The following ELAVL3 variants were observed in gnomAD, a reference collection of about 807,000 sequenced individuals.
ELAVL3 encodes the protein ELAV-like protein 3.
A neutral mutation model predicts 34.2 loss-of-function variants in ELAVL3; 8 were observed. That is an observed-to-expected ratio of 0.23 (90% CI 0.14 to 0.42). The LOEUF is 0.42. Ranked by LOEUF, ELAVL3 falls within the 10% of genes least tolerant of loss-of-function variation. The pLI, the probability that ELAVL3 is intolerant of heterozygous loss-of-function variation, is 1.00. For missense variants in ELAVL3, 273 were observed against 518.8 expected, an observed-to-expected ratio of 0.53 and a Z score of 4.60; for synonymous variants, 209 against 222.1, an observed-to-expected ratio of 0.94 and a Z score of 0.53.
chr19:11,480,400 T>A lies in ELAVL3; in HGVS notation c.9+200A>T, dbSNP rs960346285. The A allele has an allele frequency of 2.0e-5, 11 of 540,916 alleles. 1 individual carries two copies. The highest frequency in any genetic ancestry group is 4.4e-5 in the Admixed American group (1 of 22,828). The allele number at this position is 540,916 out of a possible 1,614,324, so 33.5% of individuals were successfully genotyped here. On this transcript the variant is annotated intron_variant, in intron 1 of 6. Transcript: ENST00000359227. This position sits in a 1 kb window ranked among gnomAD's most constrained non-coding sequence, Gnocchi z 6.8. ...CGCAGTCAGTCTCCCTAAGGCCCTC[T>A]CAGACCAAGCTCTAAGCGCCCTCAG...
rs1330612905 is a variant in ELAVL3 at position 11,466,858 on chromosome 19, C to T, written c.10-31G>A. ...GATAACAGGTCGCATCCGCTCACCG[C>T]CCAGTCCCCACACCAGGGGCCTGCG... On this transcript the variant is annotated intron_variant, in intron 1 of 6. Transcript: ENST00000359227. The surrounding 1 kb of genome is among the most constrained non-coding windows in gnomAD (Gnocchi z 5.0). The T allele has an allele frequency of 6.5e-7, 1 of 1,549,880 alleles. No individual in the cohort carries two copies. Among genetic ancestry groups the T allele is most frequent in the Non-Finnish European group, 8.8e-7 (1 of 1,142,100 alleles).
rs540019022 is a variant in ELAVL3 at position 11,468,034 on chromosome 19, C to T, written c.10-1207G>A. The stretch of plus-strand genomic sequence containing the variant: ...CAAACTCTTGGGCTCTGGTGATCCT[C>T]CCACTTTGGCCTCCCAAAGTGCTGG... On this transcript the variant is annotated intron_variant, in intron 1 of 6. Transcript: ENST00000359227. Among the ~76,000 whole-genome samples the T allele has an allele frequency of 5.3e-4, 80 of 152,332 alleles. 1 individual carries two copies. Among genetic ancestry groups the T allele is most frequent in the Admixed American group, 8.5e-4 (13 of 15,290 alleles).
rs768237882 is a variant in ELAVL3 at position 11,466,796 on chromosome 19, C to G, written c.41G>C (p.Gly14Ala). 8.6e-5 allele frequency: 139 copies of G among 1,611,586 alleles called. No homozygotes were observed. The highest frequency in any genetic ancestry group is 1.5e-4 in the Admixed American group (9 of 59,386). ...CAGGGCCGGGCCGGCCGGGCCCCCCCCCACCTGAGACTCCATGGCCCCCAG... is the reference window on the plus strand; with the variant it reads ...CAGGGCCGGGCCGGCCGGGCCCCCCGCCACCTGAGACTCCATGGCCCCCAG... ...QILGAMESQV[G>A]GGPAGPALPN... Residue 14 changes from glycine (G) to alanine (A), a missense_variant, in exon 2 of 7, where the codon GGG becomes GCG. Around this residue, in one of 4 missense-constraint regions of ELAVL3, gnomAD observed 40 missense variants for 40.8 expected, o/e 0.98. Coordinates refer to ENST00000359227, the MANE Select transcript of ELAVL3 (RefSeq NM_001420.4). This position sits in a 1 kb window ranked among gnomAD's most constrained non-coding sequence, Gnocchi z 5.0.
In ELAVL3 at chr19:11,451,456, T is replaced by C. The variant is rs1970623031; in HGVS notation, c.*3070A>G. On this transcript the variant is annotated 3_prime_UTR_variant, in exon 7 of 7. Transcript: ENST00000359227. ...AGTCTAAACGCAACGCGAAGTGTTC[T>C]TGTTGGGTTTTTTTTTTTTTTTTGT... 6.6e-6 allele frequency: 1 copy of C among 151,126 alleles called. No individual in the cohort carries two copies. The highest frequency in any genetic ancestry group is 1.5e-5 in the Non-Finnish European group (1 of 67,762). The allele number at this position is 151,126 out of a possible 1,614,324, so 9.4% of individuals were successfully genotyped here.
intron 1 of ELAVL3, among the ~76,000 whole-genome samples, chr19:11,476,263 G>A (rs941274827): frequency 1.1e-4 from 16 of 152,290 alleles, no homozygotes; most frequent in African/African-American, 3.8e-4. Flanking sequence ...AATACACGAG[G>A]AAAGAGAGTC....
rs574422726 is a variant in ELAVL3, at chr19:11,480,513, C to A, written c.9+87G>T. On this transcript the variant is annotated intron_variant, in intron 1 of 6. Coordinates refer to ENST00000359227, the MANE Select transcript of ELAVL3 (RefSeq NM_001420.4). The surrounding 1 kb of genome is among the most constrained non-coding windows in gnomAD (Gnocchi z 6.8). Reference sequence around the variant, plus strand: ...GGCCTAGCTAGGCCTGGTCCTACCCCCCCCGCCGCACCCGCCCAATCTCCG... The same window carrying A: ...GGCCTAGCTAGGCCTGGTCCTACCCACCCCGCCGCACCCGCCCAATCTCCG... The A allele has an allele frequency of 1.0e-4, 147 of 1,407,146 alleles. No individual in the cohort carries two copies. The highest frequency in any genetic ancestry group is 9.4e-4 in the Middle Eastern group (4 of 4,260). 87.2% of individuals were successfully genotyped at this position (1,407,146 alleles called of 1,614,324 possible).
Position 11,458,709 on chromosome 19 carries a change from G to C in ELAVL3, c.334-98C>G. On this transcript the variant is annotated intron_variant, in intron 3 of 6. Coordinates refer to ENST00000359227, the MANE Select transcript of ELAVL3 (RefSeq NM_001420.4). The surrounding 1 kb of genome is among the most constrained non-coding windows in gnomAD (Gnocchi z 7.3). ...CTAAACCATCACGGAGTTAGCAGAA[G>C]TGACCCATCCGTCACTCAATAAGTA... is the stretch of plus-strand genomic sequence containing the variant. 2.0e-6 allele frequency: 3 copies of C among 1,486,356 alleles called. No individual in the cohort carries two copies. The highest frequency in any genetic ancestry group is 3.5e-4 in the Middle Eastern group (2 of 5,722). 92.1% of individuals were successfully genotyped at this position (1,486,356 alleles called of 1,614,324 possible). A position where few individuals can be genotyped will look rare whatever the true frequency, so the allele number is the denominator to read the frequency against.
In ELAVL3 at chr19:11,451,494, C is replaced by CTTTTTTTTTTTTTTTTTTTTTTTTCT. The variant is rs950823031; in HGVS notation, c.*3031_*3032insAGAAAAAAAAAAAAAAAAAAAAAAAA. The CTTTTTTTTTTTTTTTTTTTTTTTTCT allele has an allele frequency of 4.6e-5, 3 of 65,532 alleles. No individual in the cohort carries two copies. Among genetic ancestry groups the CTTTTTTTTTTTTTTTTTTTTTTTTCT allele is most frequent in the Admixed American group, 1.6e-4 (1 of 6,116 alleles). The allele number at this position is 65,532 out of a possible 1,614,324, so 4.1% of individuals were successfully genotyped here. On this transcript the variant is annotated 3_prime_UTR_variant, in exon 7 of 7. Coordinates refer to ENST00000359227, the MANE Select transcript of ELAVL3 (RefSeq NM_001420.4). The stretch of plus-strand genomic sequence containing the variant: ...TTTTTTTTTTTGTCTTTTGTTTTGT[C>CTTTTTTTTTTTTTTTTTTTTTTTTCT]TTTTTTTTTTTTTTTTTTTTTACAG...
At chr19:11,478,308 C>T (rs1971301053) in intron 1 of ELAVL3, among the ~76,000 whole-genome samples, 1 of 152,180 alleles carries the variant, frequency 6.6e-6, no homozygotes, top group Admixed American at 6.6e-5. Context: ...GGCCACCACC[C>T]GTTCTCCCTC....
chr19:11,463,861 C>T (rs1349413506), intron 3 of ELAVL3, among the ~76,000 whole-genome samples: 1 of 151,486 alleles, frequency 6.6e-6, no homozygotes. Flanking sequence ...CCCAGCTACT[C>T]GGGAGGCTGA....
intron 1 of ELAVL3, among the ~76,000 whole-genome samples, chr19:11,467,794 T>C (rs1341498417): frequency 2.0e-5 from 3 of 150,332 alleles, no homozygotes; most frequent in African/African-American, 7.4e-5. Context: ...CCATTTTTAG[T>C]AGCTTTTATT....
intron 5 of ELAVL3, among the ~76,000 whole-genome samples, chr19:11,457,727 C>T (rs1970800026): frequency 6.6e-6 from 1 of 152,194 alleles, no homozygotes; most frequent in African/African-American, 2.4e-5. Flanking sequence ...GTCTAGCACA[C>T]AGCAAAGACT....
intron 3 of ELAVL3, among the ~76,000 whole-genome samples, chr19:11,465,201 C>A (rs796539556): frequency 1.3e-4 from 18 of 140,488 alleles, no homozygotes; most frequent in African/African-American, 4.8e-4. Context: ...ACCTACACGC[C>A]ACACACATAC....
At chr19:11,475,751 C>T (rs1445857897) in intron 1 of ELAVL3, among the ~76,000 whole-genome samples, 1 of 151,860 alleles carries the variant, frequency 6.6e-6, no homozygotes, top group Non-Finnish European at 1.5e-5. Flanking sequence ...GTAGCTGGGA[C>T]CACAGGCGCG....
Position 11,480,645 on chromosome 19 carries a change from G to T in ELAVL3, c.-37C>A. ...CGGCGGGCGCGGTCCGTGTTGAGGG[G>T]GGCTCCGGGGGTGGTGCACTCCTAG... On this transcript the variant is annotated 5_prime_UTR_variant, in exon 1 of 7. Transcript: ENST00000359227. The surrounding 1 kb of genome is among the most constrained non-coding windows in gnomAD (Gnocchi z 6.8). The T allele has an allele frequency of 7.1e-7, 1 of 1,417,294 alleles. No individual in the cohort carries two copies. The highest frequency in any genetic ancestry group is 9.3e-7 in the Non-Finnish European group (1 of 1,078,926). 87.8% of individuals were successfully genotyped at this position (1,417,294 alleles called of 1,614,324 possible).
rs946698038 is a variant in ELAVL3 at position 11,472,409 on chromosome 19, A to G, written c.10-5582T>C. ...GGAATGAATTAAGAAGAATTCAGAA[A>G]CCACATTTAGGCAAGGCGTGCTGGC... On this transcript the variant is annotated intron_variant, in intron 1 of 6. Coordinates refer to ENST00000359227, the MANE Select transcript of ELAVL3 (RefSeq NM_001420.4). Among the ~76,000 whole-genome samples, 3 of 152,172 alleles carry G rather than the reference A, an allele frequency of 2.0e-5. 1 individual carries two copies. In the South Asian group the frequency reaches 6.2e-4, roughly 32 times the overall value.
Position 11,457,373 on chromosome 19 carries a change from C to T in ELAVL3, c.714-225G>A, listed in dbSNP as rs76370935. Reference sequence around the variant, plus strand: ...CCGCTGTCCAGCCTGCACTGGCCTCCTCATCCATCCTCCCCCTCCTGGCTG... The same window carrying T: ...CCGCTGTCCAGCCTGCACTGGCCTCTTCATCCATCCTCCCCCTCCTGGCTG... On this transcript the variant is annotated intron_variant, in intron 5 of 6. Transcript: ENST00000359227. Among the ~76,000 whole-genome samples, 543 of 152,360 alleles carry T rather than the reference C, an allele frequency of 3.6e-3. 7 individuals carry two copies. The highest frequency in any genetic ancestry group is 0.012 in the African/African-American group (516 of 41,592).
Position 11,458,294 on chromosome 19 carries a change from G to T in ELAVL3, c.488-8C>A. On this transcript the variant is annotated splice_polypyrimidine_tract_variant and splice_region_variant and intron_variant, in intron 4 of 6. Coordinates refer to ENST00000359227, the MANE Select transcript of ELAVL3 (RefSeq NM_001420.4). This position sits in a 1 kb window ranked among gnomAD's most constrained non-coding sequence, Gnocchi z 7.3. Reference sequence around the variant, plus strand: ...CCACACCCCGAGAGACACCTGCCAGGGGGCAGGGATGTCCATCACGACGAC... The same window carrying T: ...CCACACCCCGAGAGACACCTGCCAGTGGGCAGGGATGTCCATCACGACGAC... 1 of 1,612,864 alleles carries T rather than the reference G, an allele frequency of 6.2e-7. No homozygotes were observed. The highest frequency in any genetic ancestry group is 8.5e-7 in the Non-Finnish European group (1 of 1,179,478).
intron 6 of ELAVL3, among the ~76,000 whole-genome samples, 200 bp from the exon 7 acceptor site, chr19:11,455,077 C>A (rs1225530791): frequency 2.0e-5 from 3 of 152,074 alleles, no homozygotes; most frequent in Non-Finnish European, 2.9e-5. Context: ...TGGCTCACTG[C>A]AGCTTTGACC....
Sources: gnomAD v4.1 joint callset for allele counts (sites outside exome capture counted in the v4.1 genomes callset) on GRCh38, gnomAD v4.1.1 for gene constraint, gnomAD v4.1.1 regional missense constraint, Gnocchi (gnomAD v3.1) non-coding constraint, MANE v1.5 for transcripts, NCBI Gene and HGNC (gene_info 2026-07-23, HGNC 2026-07-21) for gene names.